Variants in SSH1 observed in about 807,000 individuals in gnomAD.
The protein encoded by SSH1 is protein phosphatase Slingshot homolog 1.
SSH1 carries 43 observed loss-of-function variants against 79.7 expected under a neutral mutation model. That is an observed-to-expected ratio of 0.54 (90% CI 0.42 to 0.70). The LOEUF is 0.70. Among genes scored for constraint, SSH1 ranks in the 30% least tolerant of loss-of-function variants. The pLI, the probability that SSH1 is intolerant of heterozygous loss-of-function variation, is 0.00. For synonymous variants in SSH1, 599 were observed against 538.3 expected, an observed-to-expected ratio of 1.11 and a Z score of -1.56; for missense variants, 1,206 against 1,358.8, an observed-to-expected ratio of 0.89 and a Z score of 1.77.
intron 5 of SSH1, among the ~76,000 whole-genome samples, chr12:108,812,477 G>T (rs1229975797): frequency 6.6e-6 from 1 of 152,260 alleles, no homozygotes; most frequent in African/African-American, 2.4e-5. Flanking sequence ...ACAGCACAGA[G>T]AGCTGCAGAG....
chr12:108,804,915 A>C (rs1027233927), intron 10 of SSH1, 141 bp downstream of exon 10: 3 of 965,996 alleles, frequency 3.1e-6, no homozygotes, highest in Non-Finnish European at 4.7e-6. Context: ...CAAAGAGGGG[A>C]GCTCCTGCCA....
chr12:108,826,268 G>T (rs961199065), intron 2 of SSH1: 1 of 415,506 alleles, frequency 2.4e-6, no homozygotes, highest in African/African-American at 2.1e-5. Flanking sequence ...TACAAGGCCA[G>T]CTGTTCCTCC....
intron 2 of SSH1, among the ~76,000 whole-genome samples, chr12:108,845,643 C>T (rs375392080): frequency 6.9e-4 from 105 of 152,286 alleles, no homozygotes; most frequent in Non-Finnish European, 1.3e-3. Context: ...GCTGAGATTG[C>T]GCCATTGCAC....
intron 2 of SSH1, among the ~76,000 whole-genome samples, chr12:108,828,426 C>G (rs2038385956): frequency 6.6e-6 from 1 of 152,182 alleles, no homozygotes; most frequent in Non-Finnish European, 1.5e-5. Context: ...TTCTACTCAT[C>G]CAGAATGAAA....
In SSH1 at chr12:108,784,692, G is replaced by T. The variant is rs1269590391; in HGVS notation, c.*3296C>A. On this transcript the variant is annotated 3_prime_UTR_variant, in exon 15 of 15. Transcript: ENST00000326495. ...GTGACCACTATCCCCCTTATACTTA[G>T]CAAGACTTAAAGAGAAGACTTTCCT... The T allele has an allele frequency of 6.6e-6, 1 of 152,096 alleles. No individual in the cohort carries two copies. Among genetic ancestry groups the T allele is most frequent in the Non-Finnish European group, 1.5e-5 (1 of 68,022 alleles). The allele number at this position is 152,096 out of a possible 1,614,324, so 9.4% of individuals were successfully genotyped here.
At chr12:108,821,515 A>G (rs897592899) in intron 3 of SSH1, among the ~76,000 whole-genome samples, 1 of 152,134 alleles carries the variant, frequency 6.6e-6, no homozygotes, top group Non-Finnish European at 1.5e-5. Context: ...AGCACCTACT[A>G]CAGGTAGGTA....
chr12:108,802,297 G>A, intron 11 of SSH1, 25 bp downstream of exon 11: 2 of 1,612,020 alleles, frequency 1.2e-6, no homozygotes, highest in South Asian at 1.1e-5. Flanking sequence ...GGAAGGACAG[G>A]GAAAGACAAG....
chr12:108,788,923 T>C lies in SSH1; in HGVS notation c.2215A>G (p.Ser739Gly). The C allele has an allele frequency of 2.5e-6, 4 of 1,614,224 alleles. No homozygotes were observed. Among genetic ancestry groups the C allele is most frequent in the Non-Finnish European group, 1.7e-6 (2 of 1,180,044 alleles). ...GAGAALEPPA[S>G]LLEPSRETPK... Reference sequence around the variant, plus strand: ...GTCTCTCTGGAAGGTTCCAAAAGGCTGGCTGGTGGCTCTAGGGCAGCTCCA... The same window carrying C: ...GTCTCTCTGGAAGGTTCCAAAAGGCCGGCTGGTGGCTCTAGGGCAGCTCCA... The change falls in exon 15 of 15, where the codon AGC (serine) becomes GGC (glycine). Residue 739 changes from serine (S) to glycine (G), a missense_variant. Ser to Gly is a moderately conservative substitution (Grantham distance 56). This residue lies in a region of SSH1 where 709 missense variants were observed against 730.6 expected (regional missense o/e 0.97). Coordinates refer to ENST00000326495, the MANE Select transcript of SSH1 (RefSeq NM_018984.4).
chr12:108,807,318 T>C lies in SSH1; in HGVS notation c.731+315A>G, dbSNP rs1199056903. 6.6e-6 allele frequency among the ~76,000 whole-genome samples: 1 copy of C among 151,980 alleles called. No homozygotes were observed. The highest frequency in any genetic ancestry group is 2.4e-5 in the African/African-American group (1 of 41,368). On this transcript the variant is annotated intron_variant, in intron 8 of 14. Coordinates refer to ENST00000326495, the MANE Select transcript of SSH1 (RefSeq NM_018984.4). The surrounding 1 kb of genome is among the most constrained non-coding windows in gnomAD (Gnocchi z 5.2). ...GAGAAAAGGCCAGACCACAGAGCTC[T>C]GGAAGGAGTTGGGGACACAAAGGGC... is the stretch of plus-strand genomic sequence containing the variant.
chr12:108,800,306 C>T (rs894419771), intron 12 of SSH1, among the ~76,000 whole-genome samples: 9 of 152,122 alleles, frequency 5.9e-5, no homozygotes, highest in East Asian at 3.8e-4. Context: ...CTGTTTCATG[C>T]GACAGTAACT....
In SSH1 at chr12:108,835,101, T is replaced by A. The variant is rs73193457; in HGVS notation, c.111-11740A>T. Among the ~76,000 whole-genome samples the A allele has an allele frequency of 8.8e-3, 1,338 of 152,268 alleles. 15 individuals carry two copies. The highest frequency in any genetic ancestry group is 0.013 in the Non-Finnish European group (851 of 68,014). ...TAAGTTCCCCACATCACCTTGAGTG[T>A]CTGGAGAGCTAGGCCTATGACTTCT... On this transcript the variant is annotated intron_variant, in intron 2 of 14. Coordinates refer to ENST00000326495, the MANE Select transcript of SSH1 (RefSeq NM_018984.4).
In SSH1 at chr12:108,787,088, T is replaced by C. The variant is rs541976163; in HGVS notation, c.*900A>G. On this transcript the variant is annotated 3_prime_UTR_variant, in exon 15 of 15. Coordinates refer to ENST00000326495, the MANE Select transcript of SSH1 (RefSeq NM_018984.4). ...CTAGTGGACCTAAGCATCTGGGCTC[T>C]CAGCAGGACGATGTGTCTCAGAACC... is the stretch of plus-strand genomic sequence containing the variant. The C allele has an allele frequency of 6.6e-6, 1 of 152,362 alleles. No individual in the cohort carries two copies. The highest frequency in any genetic ancestry group is 2.4e-5 in the African/African-American group (1 of 41,576). 9.4% of individuals were successfully genotyped at this position (152,362 alleles called of 1,614,324 possible). A position where few individuals can be genotyped will look rare whatever the true frequency, so the allele number is the denominator to read the frequency against.
At chr12:108,832,184 G>A (rs2038490563) in intron 2 of SSH1, among the ~76,000 whole-genome samples, 1 of 151,928 alleles carries the variant, frequency 6.6e-6, no homozygotes, top group African/African-American at 2.4e-5. Context: ...GCAGTCCCGG[G>A]TATTTGGGAG....
rs748031958 is a variant in SSH1, at chr12:108,792,610, C to T, written c.1569G>A (p.Glu523=). ...GGTGGACCAAGCTGCCAGTTTCATC[C>T]TCAGGGGAAGGCAGAAGGGGGTCTG... ...RLSDPLLPSP[E]DETGSLVHLE... The change falls in exon 14 of 15, where the codon GAG becomes GAA. Residue 523 remains glutamate (E), a synonymous_variant. Coordinates refer to ENST00000326495, the MANE Select transcript of SSH1 (RefSeq NM_018984.4). 6.2e-7 allele frequency: 1 copy of T among 1,612,496 alleles called. No homozygotes were observed. Among genetic ancestry groups the T allele is most frequent in the East Asian group, 2.2e-5 (1 of 44,868 alleles).
At chr12:108,808,686 T>G (rs1194226875) in intron 7 of SSH1, among the ~76,000 whole-genome samples, 1 of 152,160 alleles carries the variant, frequency 6.6e-6, no homozygotes, top group African/African-American at 2.4e-5. Context: ...TTCTAATAGC[T>G]TAGATGCTTA....
At chr12:108,821,258 G>A (rs955841769) in intron 3 of SSH1, among the ~76,000 whole-genome samples, 2 of 151,868 alleles carry the variant, frequency 1.3e-5, no homozygotes, top group African/African-American at 4.8e-5. Context: ...GCTGGGTGTG[G>A]TGACACGCAT....
At chr12:108,817,194 C>T (rs781399397) in intron 4 of SSH1, 35 bp from the exon 5 acceptor site, 3 of 1,611,284 alleles carry the variant, frequency 1.9e-6, no homozygotes, top group East Asian at 4.5e-5. Flanking sequence ...ACTAACCTGC[C>T]TTTGGAGGTG....
chr12:108,836,858 C>T (rs372294466), intron 2 of SSH1: 1 of 520,348 alleles, frequency 1.9e-6, no homozygotes, highest in African/African-American at 1.9e-5. Context: ...AATACACGTG[C>T]CCGGTGGAAT....
chr12:108,826,314 T>C (rs551715851), intron 2 of SSH1: 1 of 361,480 alleles, frequency 2.8e-6, no homozygotes, highest in East Asian at 7.6e-5. Context: ...CAGGGACTCC[T>C]GCTCTACGCA....
Sources: gnomAD v4.1 joint callset for allele counts (sites outside exome capture counted in the v4.1 genomes callset) on GRCh38, gnomAD v4.1.1 for gene constraint, gnomAD v4.1.1 regional missense constraint, Gnocchi (gnomAD v3.1) non-coding constraint, MANE v1.5 for transcripts, NCBI Gene and HGNC (gene_info 2026-07-23, HGNC 2026-07-21) for gene names.